Variants in AGTPBP1 observed in about 807,000 individuals in gnomAD.
The protein encoded by AGTPBP1 is cytosolic carboxypeptidase 1.
AGTPBP1 carries 70 observed loss-of-function variants against 143.9 expected under a neutral mutation model. The observed-to-expected ratio is 0.49, with a 90% CI of 0.40 to 0.59. The LOEUF (loss-of-function observed/expected upper bound fraction) is 0.59. AGTPBP1 is among the 20% of genes least tolerant of loss of function. AGTPBP1 has a pLI of 0.00. For synonymous variants in AGTPBP1, 463 were observed against 500.2 expected (o/e 0.93, Z 0.99); for missense variants, 1,229 against 1,464.5 (o/e 0.84, Z 2.62).
chr9:85,762,301 G>T, the AGTPBP1 span, among the ~76,000 whole-genome samples: 1 of 151,194 alleles, frequency 6.6e-6, no homozygotes, highest in Non-Finnish European at 1.5e-5. Context: ...AAATCATGCT[G>T]CTATAAAGAC....
chr9:85,672,665 T>C lies in AGTPBP1; in HGVS notation c.453A>G (p.Val151=). 6.3e-7 allele frequency: 1 copy of C among 1,596,996 alleles called. No homozygotes were observed. Among genetic ancestry groups the C allele is most frequent in the Non-Finnish European group, 8.5e-7 (1 of 1,174,270 alleles). The change falls in exon 7 of 26, where the codon GTA becomes GTG. Residue 151 remains valine (V), a synonymous_variant. Coordinates refer to ENST00000357081, the MANE Select transcript of AGTPBP1 (RefSeq NM_001330701.2). ...KIGPKDKKFG[V]KARINGALNI... ...TCAGAGCCCCATTAATTCTAGCCTT[T>C]ACTCCAAATTTTTTATCTGTTTAAA...
chr9:85,788,302 T>G, the AGTPBP1 span, among the ~76,000 whole-genome samples: 1 of 150,650 alleles, frequency 6.6e-6, no homozygotes. Flanking sequence ...TTTTATAAAT[T>G]TATGTATATT....
At chr9:85,660,866 GTTTC>G in intron 9 of AGTPBP1, 66 bp downstream of exon 9, 2 of 1,149,356 alleles carry the variant, frequency 1.7e-6, no homozygotes, top group Non-Finnish European at 2.5e-6. Flanking sequence ...TACATTTCCA[GTTTC>G]TTTAACATAA....
chr9:85,556,632 G>T (rs1826360458), intron 25 of AGTPBP1, among the ~76,000 whole-genome samples: 1 of 152,060 alleles, frequency 6.6e-6, no homozygotes, highest in Admixed American at 6.5e-5. Flanking sequence ...GGATGGAAAA[G>T]ATATTATGCA....
chr9:85,613,233 C>G (rs1408995510), intron 17 of AGTPBP1, among the ~76,000 whole-genome samples: 2 of 151,258 alleles, frequency 1.3e-5, no homozygotes, highest in African/African-American at 4.9e-5. Context: ...AAATTTGAAA[C>G]TTAAATACTT....
At chr9:85,804,917 T>C in the AGTPBP1 span, among the ~76,000 whole-genome samples, 1 of 152,102 alleles carries the variant, frequency 6.6e-6, no homozygotes, top group Admixed American at 6.6e-5. Context: ...AGCTACCAGG[T>C]CCCACTGCCC....
At chr9:85,732,432 G>T (rs1419833867) in intron 1 of AGTPBP1, among the ~76,000 whole-genome samples, 1 of 151,700 alleles carries the variant, frequency 6.6e-6, no homozygotes, top group South Asian at 2.1e-4. Flanking sequence ...GCCAGGACGG[G>T]ACTATGAAGA....
intron 1 of AGTPBP1, among the ~76,000 whole-genome samples, chr9:85,728,695 C>T (rs545506783): frequency 6.7e-6 from 1 of 150,072 alleles, no homozygotes; most frequent in South Asian, 2.1e-4. Context: ...TTAAAGCCTA[C>T]AAAAGATGAA....
intron 13 of AGTPBP1, among the ~76,000 whole-genome samples, chr9:85,638,673 T>C (rs1319450797): frequency 1.3e-5 from 2 of 151,908 alleles, no homozygotes; most frequent in Non-Finnish European, 2.9e-5. Context: ...GTACTTTTTG[T>C]CTTAGAATCT....
At chr9:85,676,743 T>C (rs1423997588) in intron 6 of AGTPBP1, among the ~76,000 whole-genome samples, 1 of 152,230 alleles carries the variant, frequency 6.6e-6, no homozygotes, top group Non-Finnish European at 1.5e-5. Flanking sequence ...ATTCCCATGT[T>C]TACTGCTGCA....
the AGTPBP1 span, among the ~76,000 whole-genome samples, chr9:85,790,340 T>C: frequency 2.0e-5 from 3 of 152,140 alleles, no homozygotes; most frequent in Non-Finnish European, 4.4e-5. Flanking sequence ...CAGGCTGACT[T>C]TTCATAGGTT....
intron 2 of AGTPBP1, among the ~76,000 whole-genome samples, chr9:85,705,679 G>A (rs538182511): frequency 1.3e-5 from 2 of 152,162 alleles, no homozygotes; most frequent in Admixed American, 6.5e-5. Flanking sequence ...TAGAGAGAGG[G>A]GAAGTGGAAG....
chr9:85,674,752 T>C (rs186047650), intron 6 of AGTPBP1, among the ~76,000 whole-genome samples: 82 of 152,284 alleles, frequency 5.4e-4, no homozygotes, highest in African/African-American at 1.9e-3. Context: ...ACTAATTACT[T>C]ATACAATACA....
chr9:85,778,615 C>T, the AGTPBP1 span, among the ~76,000 whole-genome samples: 3 of 152,184 alleles, frequency 2.0e-5, no homozygotes, highest in African/African-American at 7.2e-5. Flanking sequence ...CAGAGTAACA[C>T]ACCCAAATGA....
chr9:85,597,301 G>A (rs1177064327), intron 17 of AGTPBP1, among the ~76,000 whole-genome samples: 1 of 151,440 alleles, frequency 6.6e-6, no homozygotes, highest in Non-Finnish European at 1.5e-5. Flanking sequence ...ATTTTAACAG[G>A]TTTTTAGTAG....
the AGTPBP1 span, among the ~76,000 whole-genome samples, chr9:85,774,652 AG>A: frequency 6.6e-6 from 1 of 152,228 alleles, no homozygotes; most frequent in East Asian, 1.9e-4. Context: ...CTACTATGGC[AG>A]CAAAATCATT....
intron 1 of AGTPBP1, chr9:85,741,320 C>G: frequency 1.0e-6 from 1 of 985,438 alleles, no homozygotes; most frequent in Non-Finnish European, 1.2e-6. Context: ...AGCACAGGGG[C>G]CCGCGATTCA....
chr9:85,780,702 C>T, the AGTPBP1 span, among the ~76,000 whole-genome samples: 2 of 152,138 alleles, frequency 1.3e-5, no homozygotes, highest in Non-Finnish European at 2.9e-5. Flanking sequence ...CTCAATCCTA[C>T]TTTGGGAAAT....
chr9:85,719,460 C>T (rs1366713314), intron 1 of AGTPBP1, among the ~76,000 whole-genome samples: 1 of 151,514 alleles, frequency 6.6e-6, no homozygotes, highest in Non-Finnish European at 1.5e-5. Context: ...TGATTTGGCT[C>T]TGTCTGTAAT....
Sources: allele counts gnomAD v4.1 joint callset (sites outside exome capture counted in the v4.1 genomes callset), GRCh38; gene constraint gnomAD v4.1.1; transcripts MANE v1.5; gene names NCBI Gene and HGNC (gene_info 2026-07-23, HGNC 2026-07-21).